RORA: variants seen among roughly 807,000 people sequenced by gnomAD.
RORA encodes nuclear receptor ROR-alpha.
Under a neutral mutation model 69.5 loss-of-function variants are expected in RORA, and 7 were observed. The observed-to-expected ratio is 0.10, with a 90% CI of 0.06 to 0.19. The LOEUF (loss-of-function observed/expected upper bound fraction) is 0.19, where lower values mean the gene tolerates loss of function less well. RORA is among the 10% of genes least tolerant of loss of function. RORA has a pLI of 1.00. For missense variants in RORA, 457 were observed against 663.0 expected (o/e 0.69, Z 3.41); for synonymous variants, 261 against 240.8 (o/e 1.08, Z -0.78).
intron 2 of RORA, among the ~76,000 whole-genome samples, chr15:60,543,151 T>TTAAGGATGAAA (rs1481551007): frequency 6.8e-6 from 1 of 147,524 alleles, no homozygotes; most frequent in Non-Finnish European, 1.5e-5. Context: ...TGCATAGGAA[T>TTAAGGATGAAA]TAAGGATGAA....
chr15:60,771,728 A>C (rs1421753976), intron 1 of RORA, among the ~76,000 whole-genome samples: 1 of 152,248 alleles, frequency 6.6e-6, no homozygotes, highest in Admixed American at 6.5e-5. Context: ...CCCATGGACA[A>C]GTGAATAATA....
chr15:60,556,108 C>T (rs1430928349), intron 2 of RORA, among the ~76,000 whole-genome samples: 2 of 150,366 alleles, frequency 1.3e-5, no homozygotes, highest in African/African-American at 4.8e-5. Flanking sequence ...CAATGAAGCA[C>T]AGACAGCAGA....
At chr15:60,802,167 C>T (rs1439485429) in intron 1 of RORA, among the ~76,000 whole-genome samples, 1 of 152,112 alleles carries the variant, frequency 6.6e-6, no homozygotes, top group East Asian at 1.9e-4. Flanking sequence ...CCTTACAGAC[C>T]CAATTCTGCA....
At chr15:60,605,736 A>G (rs2068930529) in intron 2 of RORA, among the ~76,000 whole-genome samples, 1 of 152,248 alleles carries the variant, frequency 6.6e-6, no homozygotes, top group South Asian at 2.1e-4. Context: ...GTAAAACCAC[A>G]GAGTAAATAA....
At chr15:60,798,724 C>G (rs1217706397) in intron 1 of RORA, among the ~76,000 whole-genome samples, 2 of 152,150 alleles carry the variant, frequency 1.3e-5, no homozygotes, top group East Asian at 1.9e-4. Context: ...CAGACAGATC[C>G]AGGTCTGAAA....
intron 1 of RORA, among the ~76,000 whole-genome samples, chr15:60,878,439 G>T (rs1309252292): frequency 6.6e-6 from 1 of 151,978 alleles, no homozygotes; most frequent in East Asian, 1.9e-4. Context: ...GACACAGAGA[G>T]AGCTACAAAT....
intron 1 of RORA, chr15:61,196,014 C>T (rs953151679): frequency 1.3e-5 from 2 of 152,192 alleles, no homozygotes; most frequent in African/African-American, 4.8e-5. Flanking sequence ...ATTCCTTTTG[C>T]AGAAATTGAG....
At position 61,081,677 on chromosome 15, in the gene RORA, G is replaced by A. The variant is rs531768651; in HGVS notation, c.166+147376C>T. On this transcript the variant is annotated intron_variant, in intron 1 of 10. Transcript: ENST00000335670. Reference sequence around the variant, plus strand: ...AAAAAAATTAGCCGGGTGTGGTGGCGGGCGCCTGTAGTCCCAGCTACTGGG... The same window carrying A: ...AAAAAAATTAGCCGGGTGTGGTGGCAGGCGCCTGTAGTCCCAGCTACTGGG... Among the ~76,000 whole-genome samples the A allele has an allele frequency of 8.4e-4, 127 of 151,920 alleles. 1 individual carries two copies. Among genetic ancestry groups the A allele is most frequent in the Admixed American group, 4.3e-3 (65 of 15,270 alleles).
chr15:60,784,501 AC>A (rs1184349106), intron 1 of RORA, among the ~76,000 whole-genome samples: 4 of 152,100 alleles, frequency 2.6e-5, no homozygotes, highest in African/African-American at 9.7e-5. Flanking sequence ...CTGTCTGTCT[AC>A]CCTACCTGGC....
At chr15:60,585,280 G>C (rs1465416390) in intron 2 of RORA, among the ~76,000 whole-genome samples, 2 of 152,088 alleles carry the variant, frequency 1.3e-5, no homozygotes, top group Non-Finnish European at 2.9e-5. Flanking sequence ...CAATCCACTT[G>C]TATTATCTAT....
At chr15:60,500,126 G>T (rs1278031849) in intron 9 of RORA, 122 bp from the exon 10 acceptor site, 1 of 602,968 alleles carries the variant, frequency 1.7e-6, no homozygotes. Flanking sequence ...TCAGAGGCCA[G>T]TTTCACTCCT....
intron 1 of RORA, among the ~76,000 whole-genome samples, chr15:60,964,265 G>A (rs1893489714): frequency 6.6e-6 from 1 of 152,214 alleles, no homozygotes; most frequent in Non-Finnish European, 1.5e-5. Flanking sequence ...ATGCCTATCT[G>A]TATAAGATGA....
chr15:60,551,851 C>G (rs1595960311), intron 2 of RORA, among the ~76,000 whole-genome samples: 1 of 152,370 alleles, frequency 6.6e-6, no homozygotes, highest in Non-Finnish European at 1.5e-5. Context: ...GATACTGCCA[C>G]CATCTGTTCA....
intron 1 of RORA, among the ~76,000 whole-genome samples, chr15:60,774,057 A>G (rs2072121276): frequency 6.6e-6 from 1 of 152,116 alleles, no homozygotes; most frequent in Admixed American, 6.5e-5. Context: ...TGTAGAGATC[A>G]CTAACGTGGC....
rs948118734 is a variant in RORA at position 60,726,331 on chromosome 15, A to C, written c.167-47645T>G. Reference sequence around the variant, plus strand: ...TGAATGGGGTCAGGACCAATGGAGAAGGAAAGTGGAAATGTCTGCGTTCTT... The same window carrying C: ...TGAATGGGGTCAGGACCAATGGAGACGGAAAGTGGAAATGTCTGCGTTCTT... On this transcript the variant is annotated intron_variant, in intron 1 of 10. Coordinates refer to ENST00000335670, the MANE Select transcript of RORA (RefSeq NM_134261.3). 4.7e-4 allele frequency among the ~76,000 whole-genome samples: 71 copies of C among 152,184 alleles called. 1 individual carries two copies. Among genetic ancestry groups the C allele is most frequent in the African/African-American group, 1.5e-3 (63 of 41,434 alleles).
intron 2 of RORA, among the ~76,000 whole-genome samples, chr15:60,615,626 C>A (rs549577912): frequency 1.8e-4 from 27 of 152,284 alleles, no homozygotes; most frequent in African/African-American, 6.5e-4. Context: ...AGCCCAGGTC[C>A]GGGGAAGCTG....
chr15:60,892,863 G>A (rs537577267), intron 1 of RORA, among the ~76,000 whole-genome samples: 4 of 152,318 alleles, frequency 2.6e-5, no homozygotes, highest in African/African-American at 7.2e-5. Flanking sequence ...AGAAGTTGTC[G>A]CATTACCATC....
chr15:60,804,047 T>C (rs771472527), intron 1 of RORA, among the ~76,000 whole-genome samples: 2 of 152,030 alleles, frequency 1.3e-5, no homozygotes, highest in Admixed American at 1.3e-4. Context: ...CCCAACACTT[T>C]GAGAGGCCAA....
At chr15:60,807,319 CAAACA>C (rs544046577) in intron 1 of RORA, among the ~76,000 whole-genome samples, 20 of 151,966 alleles carry the variant, frequency 1.3e-4, no homozygotes, top group African/African-American at 3.1e-4. Flanking sequence ...ACAATAGCTG[CAAACA>C]AAACAAAACA....
Sources: gnomAD v4.1 joint callset for allele counts (sites outside exome capture counted in the v4.1 genomes callset) on GRCh38, gnomAD v4.1.1 for gene constraint, MANE v1.5 for transcripts, NCBI Gene and HGNC (gene_info 2026-07-23, HGNC 2026-07-21) for gene names.